IGFALS: variants seen among roughly 807,000 people sequenced by gnomAD.
The protein encoded by IGFALS is insulin-like growth factor-binding protein complex acid labile subunit.
A neutral mutation model predicts 2.6 loss-of-function variants in IGFALS; 2 were observed. That is an observed-to-expected ratio of 0.77 (90% CI 0.32 to 2.44). IGFALS has a LOEUF of 2.44. Ranked by LOEUF, IGFALS falls within the 30% of genes most tolerant of loss-of-function variation. IGFALS has a pLI of 0.11. For synonymous variants in IGFALS, 519 were observed against 431.9 expected (o/e 1.20, Z -2.50); for missense variants, 996 against 848.7 (o/e 1.17, Z -2.16).
intron 1 of IGFALS, among the ~76,000 whole-genome samples, chr16:1,793,434 C>T (rs1287436040): frequency 2.0e-5 from 3 of 152,084 alleles, no homozygotes; most frequent in Middle Eastern, 3.2e-3. Context: ...GGGACAGAGA[C>T]CCCTGGTGCC....
In IGFALS at chr16:1,790,459, C is replaced by T. The variant is rs775642254; in HGVS notation, c.*141G>A. 5 of 746,358 alleles carry T rather than the reference C, an allele frequency of 6.7e-6. No homozygotes were observed. Among genetic ancestry groups the T allele is most frequent in the East Asian group, 5.4e-5 (2 of 37,100 alleles). The allele number at this position is 746,358 out of a possible 1,614,324, so 46.2% of individuals were successfully genotyped here. On this transcript the variant is annotated 3_prime_UTR_variant, in exon 2 of 2. Coordinates refer to ENST00000215539, the MANE Select transcript of IGFALS (RefSeq NM_004970.3). Reference sequence around the variant, plus strand: ...TTTAATTGATGACAGCTGGGGGGGCCGCCATGCCTTCCACCCCATCAGGCC... The same window carrying T: ...TTTAATTGATGACAGCTGGGGGGGCTGCCATGCCTTCCACCCCATCAGGCC...
At position 1,791,813 on chromosome 16, in the gene IGFALS, G is replaced by T. The variant is rs371767421; in HGVS notation, c.605C>A (p.Ala202Glu). 2 of 1,548,630 alleles carry T rather than the reference G, an allele frequency of 1.3e-6. No individual in the cohort carries two copies. Among genetic ancestry groups the T allele is most frequent in the Non-Finnish European group, 1.7e-6 (2 of 1,149,026 alleles). The change falls in exon 2 of 2, where the codon GCG becomes GAG. Residue 202 changes from alanine (A) to glutamate (E), a missense_variant. Physicochemically the swap from Ala to Glu is moderately radical, Grantham distance 107. Coordinates refer to ENST00000215539, the MANE Select transcript of IGFALS (RefSeq NM_004970.3). ...CTGCAGGTAGGCCAGCCTGTTGCCC[G>T]CCAGCACCAGCTCGCGCAGGCTGCC... ...GLGSLRELVL[A>E]GNRLAYLQPA... is the part of the protein sequence containing the mutation.
At chr16:1,793,345 T>C (rs1014627658) in intron 1 of IGFALS, among the ~76,000 whole-genome samples, 1 of 152,124 alleles carries the variant, frequency 6.6e-6, no homozygotes, top group South Asian at 2.1e-4. Flanking sequence ...TTCCCGCCGC[T>C]GTGCTGGGAG....
chr16:1,792,299 G>T lies in IGFALS; in HGVS notation c.119C>A (p.Ala40Glu), dbSNP rs146602902. ...GCTGCAGACACAGGCGGCCGGGCAC[G>T]CTGGGCCCTCGGCTTCCCCCGGCGT... ...PGTPGEAEGP[A>E]CPAACVCSYD... is the part of the protein sequence containing the mutation. Residue 40 changes from alanine to glutamate, a missense_variant, in exon 2 of 2, where the codon GCG becomes GAG. By Grantham distance (107) the Ala-to-Glu change is moderately radical. Transcript: ENST00000215539. 18 of 1,598,538 alleles carry T rather than the reference G, an allele frequency of 1.1e-5. No individual in the cohort carries two copies. The highest frequency in any genetic ancestry group is 2.7e-5 in the African/African-American group (2 of 74,902).
upstream of IGFALS, chr16:1,794,873 C>T (rs772629388): frequency 1.7e-5 from 12 of 702,220 alleles, no homozygotes; most frequent in African/African-American, 1.4e-4. Flanking sequence ...GGGAAGCCGC[C>T]GGCCCACTGT....
Position 1,791,782 on chromosome 16 carries a change from C to A in IGFALS, c.636G>T (p.Ala212=), listed in dbSNP as rs776813506. 1 of 1,548,270 alleles carries A rather than the reference C, an allele frequency of 6.5e-7. No homozygotes were observed. The highest frequency in any genetic ancestry group is 2.4e-5 in the East Asian group (1 of 41,218). The change falls in exon 2 of 2, where the codon GCG becomes GCT. Residue 212 remains alanine, a synonymous_variant. Transcript: ENST00000215539. ...GGAGCTCGGCCAGGCCGCTGAAGAG[C>A]GCGGGCTGCAGGTAGGCCAGCCTGT... The part of the protein sequence containing the change: ...AGNRLAYLQP[A]LFSGLAELRE...
Position 1,791,494 on chromosome 16 carries a change from G to A in IGFALS, c.924C>T (p.Arg308=), listed in dbSNP as rs1355062061. The change falls in exon 2 of 2, where the codon CGC becomes CGT. Residue 308 remains arginine (R), a synonymous_variant. Transcript: ENST00000215539. ...CCAGGAAGTGCAGGTCCTTGAAGGT[G>A]CGGGGCCGCAGGCTGGCGATGGCGT... ...SHNAIASLRP[R]TFKDLHFLEE... 1.2e-6 allele frequency: 2 copies of A among 1,610,526 alleles called. No individual in the cohort carries two copies. Among genetic ancestry groups the A allele is most frequent in the African/African-American group, 2.7e-5 (2 of 74,888 alleles).
chr16:1,791,298 G>C lies in IGFALS; in HGVS notation c.1120C>G (p.Leu374Val). The C allele has an allele frequency of 1.9e-6, 3 of 1,609,028 alleles. No individual in the cohort carries two copies. Among genetic ancestry groups the C allele is most frequent in the East Asian group, 2.2e-5 (1 of 44,874 alleles). ...AACACCTGCTCCGGAAGGTTCCGGA[G>C]ACAGTTCCCAGAGAGGTTCATGACC... ...VAVMNLSGNCLRNLPEQVFRG... is the reference protein window; with the variant it reads ...VAVMNLSGNCVRNLPEQVFRG... The change falls in exon 2 of 2, where the codon CTC (leucine) becomes GTC (valine). Residue 374 changes from leucine (L) to valine (V), a missense_variant. By Grantham distance (32) the Leu-to-Val change is conservative. Transcript: ENST00000215539.
rs749440882 is a variant in IGFALS at position 1,791,242 on chromosome 16, G to A, written c.1176C>T (p.His392=). ...TGCGTCCCAGGCAGCTGCCCTCCAGGTGCAGGCTGTGCAGCTTGCCCAGGC... is the reference window on the plus strand; with the variant it reads ...TGCGTCCCAGGCAGCTGCCCTCCAGATGCAGGCTGTGCAGCTTGCCCAGGC... ...FRGLGKLHSL[H]LEGSCLGRIR... is the part of the protein sequence containing the mutation. Residue 392 remains histidine (H), a synonymous_variant, in exon 2 of 2, where the codon CAC becomes CAT. Transcript: ENST00000215539. 5 of 1,608,520 alleles carry A rather than the reference G, an allele frequency of 3.1e-6. No individual in the cohort carries two copies. Among genetic ancestry groups the A allele is most frequent in the South Asian group, 1.1e-5 (1 of 91,078 alleles).
In IGFALS at chr16:1,791,664, T is replaced by C; in HGVS notation, c.754A>G (p.Asn252Asp). 6.3e-7 allele frequency: 1 copy of C among 1,583,740 alleles called. No individual in the cohort carries two copies. Among genetic ancestry groups the C allele is most frequent in the Non-Finnish European group, 8.6e-7 (1 of 1,167,990 alleles). The stretch of plus-strand genomic sequence containing the variant: ...CCCGGGGCCACGGCAGCGATGAGGT[T>C]GCGGTCCAGGTAGAGTTTCTGGAGC... ...PRLQKLYLDR[N>D]LIAAVAPGAF... The change falls in exon 2 of 2, where the codon AAC becomes GAC. Residue 252 changes from asparagine to aspartate, a missense_variant. Physicochemically the swap from Asn to Asp is conservative, Grantham distance 23. Transcript: ENST00000215539.
Position 1,792,352 on chromosome 16 carries a change from G to T in IGFALS, c.66C>A (p.Pro22=). 6.3e-7 allele frequency: 1 copy of T among 1,590,540 alleles called. No homozygotes were observed. The change falls in exon 2 of 2, where the codon CCC becomes CCA. Residue 22 remains proline, a synonymous_variant. Coordinates refer to ENST00000215539, the MANE Select transcript of IGFALS (RefSeq NM_004970.3). ...CGGGGTCTGCTCCCTCCAGGCTGCG[G>T]GGGCCCAGTGCCACCCAGGACAGCA... ...LLLLSWVALG[P]RSLEGADPGT...
At position 1,792,359 on chromosome 16, in the gene IGFALS, A is replaced by T. The variant is rs771686610; in HGVS notation, c.59T>A (p.Leu20Gln). 1 of 1,588,838 alleles carries T rather than the reference A, an allele frequency of 6.3e-7. No homozygotes were observed. The highest frequency in any genetic ancestry group is 1.1e-5 in the South Asian group (1 of 90,338). The stretch of plus-strand genomic sequence containing the variant: ...TGCTCCCTCCAGGCTGCGGGGGCCC[A>T]GTGCCACCCAGGACAGCAGCAGCAG... ...LALLLLSWVA[L>Q]GPRSLEGADP... Residue 20 changes from leucine (L) to glutamine (Q), a missense_variant, in exon 2 of 2, where the codon CTG becomes CAG. Transcript: ENST00000215539.
In IGFALS at chr16:1,791,566, G is replaced by A; in HGVS notation, c.852C>T (p.Asp284=). The change falls in exon 2 of 2, where the codon GAC becomes GAT. Residue 284 remains aspartate (D), a synonymous_variant. Coordinates refer to ENST00000215539, the MANE Select transcript of IGFALS (RefSeq NM_004970.3). ...SHNRVAGLLE[D]TFPGLLGLRV... ...GCAGGCCCAGCAGACCGGGGAACGT[G>A]TCCTCCAGGAGGCCAGCCACGCGGT... 6.4e-7 allele frequency: 1 copy of A among 1,566,946 alleles called. No individual in the cohort carries two copies. Among genetic ancestry groups the A allele is most frequent in the Non-Finnish European group, 8.6e-7 (1 of 1,157,908 alleles).
Position 1,791,641 on chromosome 16 carries a change from C to T in IGFALS, c.777G>A (p.Pro259=), listed in dbSNP as rs376070681. The T allele has an allele frequency of 3.1e-4, 486 of 1,578,278 alleles. 1 individual carries two copies. Among genetic ancestry groups the T allele is most frequent in the Non-Finnish European group, 3.9e-4 (457 of 1,164,724 alleles). ...LDRNLIAAVA[P]GAFLGLKALR... is the part of the protein sequence containing the mutation. ...GCGCCTTCAGGCCCAGGAAGGCGCC[C>T]GGGGCCACGGCAGCGATGAGGTTGC... is the stretch of plus-strand genomic sequence containing the variant. The change falls in exon 2 of 2, where the codon CCG becomes CCA. Residue 259 remains proline, a synonymous_variant. Transcript: ENST00000215539.
At chr16:1,793,914 C>A (rs757430376), upstream of IGFALS, among the ~76,000 whole-genome samples, 1 of 152,152 alleles carries the variant, frequency 6.6e-6, no homozygotes, top group Non-Finnish European at 1.5e-5. Context: ...TGGGGGCTGA[C>A]GGCCAGTGCC....
At position 1,791,607 on chromosome 16, in the gene IGFALS, G is replaced by T; in HGVS notation, c.811C>A (p.Leu271Met). 1 of 1,565,238 alleles carries T rather than the reference G, an allele frequency of 6.4e-7. No homozygotes were observed. Residue 271 changes from leucine to methionine, a missense_variant, in exon 2 of 2, where the codon CTG (leucine) becomes ATG (methionine). Physicochemically the swap from Leu to Met is conservative, Grantham distance 15 (BLOSUM62 2). Coordinates refer to ENST00000215539, the MANE Select transcript of IGFALS (RefSeq NM_004970.3). ...GCCACGCGGTTGTGGGACAGGTCCAGCCATCGCAGCGCCTTCAGGCCCAGG... is the reference window on the plus strand; with the variant it reads ...GCCACGCGGTTGTGGGACAGGTCCATCCATCGCAGCGCCTTCAGGCCCAGG... ...AFLGLKALRW[L>M]DLSHNRVAGL... is the part of the protein sequence containing the mutation.
upstream of IGFALS, chr16:1,793,741 G>T: frequency 7.3e-7 from 1 of 1,367,230 alleles, no homozygotes; most frequent in South Asian, 1.3e-5. Flanking sequence ...TCCCCACTGC[G>T]GGGCAGCCCG....
At position 1,791,044 on chromosome 16, in the gene IGFALS, G is replaced by C. The variant is rs765148560; in HGVS notation, c.1374C>G (p.Gly458=). Residue 458 remains glycine, a synonymous_variant, in exon 2 of 2, where the codon GGC becomes GGG. Transcript: ENST00000215539. ...HLPHRLFQGL[G]KLEYLLLSRN... ...GGGAGAGCAGCAGGTACTCCAGCTT[G>C]CCCAGGCCCTGGAAGAGGCGGTGGG... 6.3e-7 allele frequency: 1 copy of C among 1,598,444 alleles called. No individual in the cohort carries two copies. Among genetic ancestry groups the C allele is most frequent in the East Asian group, 2.2e-5 (1 of 44,884 alleles).
chr16:1,794,115 C>G (rs1339680698), upstream of IGFALS, among the ~76,000 whole-genome samples: 2 of 152,066 alleles, frequency 1.3e-5, no homozygotes, highest in Non-Finnish European at 2.9e-5. Context: ...CCTGAGTAGC[C>G]AGCCGTGTGG....
Sources: allele counts gnomAD v4.1 joint callset (sites outside exome capture counted in the v4.1 genomes callset), GRCh38; gene constraint gnomAD v4.1.1; transcripts MANE v1.5; gene names NCBI Gene and HGNC (gene_info 2026-07-23, HGNC 2026-07-21).